The following WSCD1 variants were observed in gnomAD, a reference collection of about 807,000 sequenced individuals.
WSCD1 encodes the protein WSC domain sialate O sulfotransferase 1.
In WSCD1, 41 loss-of-function variants were observed where a neutral mutation model predicts 60.4. The ratio of observed to expected loss-of-function variants is 0.68; its 90% CI spans 0.53 to 0.88. The LOEUF is 0.88. Among genes scored for constraint, WSCD1 ranks in the 40% least tolerant of loss-of-function variants. The pLI, the probability that WSCD1 is intolerant of heterozygous loss-of-function variation, is 0.00. For synonymous variants in WSCD1, 361 were observed against 332.5 expected (o/e 1.09, Z -0.93); for missense variants, 784 against 796.2 (o/e 0.98, Z 0.18).
At chr17:6,114,569 A>G (rs1911593903) in intron 7 of WSCD1, among the ~76,000 whole-genome samples, 1 of 152,108 alleles carries the variant, frequency 6.6e-6, no homozygotes, top group Non-Finnish European at 1.5e-5. Flanking sequence ...CTTTGATTTG[A>G]TTATTAAACA....
intron 5 of WSCD1, among the ~76,000 whole-genome samples, chr17:6,106,542 T>G (rs1597367049): frequency 6.6e-6 from 1 of 152,176 alleles, no homozygotes; most frequent in Admixed American, 6.5e-5. Flanking sequence ...TATATGACAT[T>G]CCAGTATAGA....
intron 5 of WSCD1, among the ~76,000 whole-genome samples, chr17:6,096,096 T>A (rs904747343): frequency 6.6e-6 from 1 of 152,228 alleles, no homozygotes; most frequent in Non-Finnish European, 1.5e-5. Flanking sequence ...GCTCATTCCA[T>A]GCCAGGTACT....
chr17:6,110,009 G>A lies in WSCD1; in HGVS notation c.1009+243G>A, dbSNP rs1200867331. ...CTGGACCCTTTATCTAAGTCTCTCT[G>A]GAGATGACAATGGTAAGAGGATGAA... On this transcript the variant is annotated intron_variant, in intron 6 of 8. Coordinates refer to ENST00000317744, the MANE Select transcript of WSCD1 (RefSeq NM_015253.2). This position sits in a 1 kb window ranked among gnomAD's most constrained non-coding sequence, Gnocchi z 4.8. Among the ~76,000 whole-genome samples the A allele has an allele frequency of 6.6e-6, 1 of 152,168 alleles. No individual in the cohort carries two copies. Among genetic ancestry groups the A allele is most frequent in the African/African-American group, 2.4e-5 (1 of 41,428 alleles).
Position 6,098,156 on chromosome 17 carries a change from T to TCGG in WSCD1, c.849+2933_849+2934insCGG, listed in dbSNP as rs71154640. Among the ~76,000 whole-genome samples the TCGG allele has an allele frequency of 6.1e-4, 68 of 110,954 alleles. 1 individual carries two copies. Among genetic ancestry groups the TCGG allele is most frequent in the Middle Eastern group, 8.9e-3 (2 of 224 alleles). 72.8% of individuals were successfully genotyped at this position (110,954 alleles called of 152,430 possible). A position where few individuals can be genotyped will look rare whatever the true frequency, so the allele number is the denominator to read the frequency against. ...TTTTTGCAGAGACAGGGGGGCGGGG[T>TCGG]GGGGGGGGTCTCACCAAGTTGCCCA... On this transcript the variant is annotated intron_variant, in intron 5 of 8. Coordinates refer to ENST00000317744, the MANE Select transcript of WSCD1 (RefSeq NM_015253.2).
At chr17:6,072,673 A>G (rs1908615420) in intron 1 of WSCD1, among the ~76,000 whole-genome samples, 1 of 152,158 alleles carries the variant, frequency 6.6e-6, no homozygotes, top group Non-Finnish European at 1.5e-5. Flanking sequence ...GGGCCCTAAC[A>G]TCCAGGGCTG....
chr17:6,070,266 GC>G (rs199755389), upstream of WSCD1, among the ~76,000 whole-genome samples: 29,839 of 148,956 alleles, frequency 0.2, 3,461 homozygotes, highest in Non-Finnish European at 0.27. Flanking sequence ...CAGGGCGTGG[GC>G]CCCCTCCGGC....
chr17:6,105,829 G>A (rs1911057480), intron 5 of WSCD1, among the ~76,000 whole-genome samples: 2 of 152,232 alleles, frequency 1.3e-5, no homozygotes, highest in South Asian at 2.1e-4. Flanking sequence ...TTTTTTCCTC[G>A]GAACAGGAAT....
chr17:6,088,386 G>A (rs1239330908), intron 3 of WSCD1, among the ~76,000 whole-genome samples: 2 of 152,102 alleles, frequency 1.3e-5, no homozygotes, highest in Non-Finnish European at 2.9e-5. Context: ...CTGGTGCTGG[G>A]TGCAGGGAGA....
At position 6,087,689 on chromosome 17, in the gene WSCD1, C is replaced by A. The variant is rs1909747941; in HGVS notation, c.428-301C>A. Among the ~76,000 whole-genome samples the A allele has an allele frequency of 3.3e-5, 5 of 152,208 alleles. 1 individual carries two copies. In the South Asian group the frequency reaches 1.0e-3, roughly 31 times the overall value. On this transcript the variant is annotated intron_variant, in intron 2 of 8. Coordinates refer to ENST00000317744, the MANE Select transcript of WSCD1 (RefSeq NM_015253.2). The stretch of plus-strand genomic sequence containing the variant: ...ATGAGAGGTAATCCAGCCTTCCCAA[C>A]TTCTGAGTTGGGGTAGTGGAAGAAA...
At chr17:6,091,972 T>C (rs780852685) in intron 4 of WSCD1, among the ~76,000 whole-genome samples, 8 of 152,100 alleles carry the variant, frequency 5.3e-5, no homozygotes, top group Non-Finnish European at 1.2e-4. Flanking sequence ...CTGACCAACA[T>C]GGTGAAAACC....
chr17:6,088,551 A>G (rs935250980), intron 3 of WSCD1, among the ~76,000 whole-genome samples: 7 of 152,178 alleles, frequency 4.6e-5, no homozygotes, highest in African/African-American at 9.7e-5. Context: ...CTGGTAGGAA[A>G]AGTATTTTCA....
At chr17:6,117,930 T>C in intron 7 of WSCD1, 58 bp from the exon 8 acceptor site, 2 of 1,567,866 alleles carry the variant, frequency 1.3e-6, no homozygotes, top group South Asian at 2.2e-5. Flanking sequence ...TCTGCTGCTA[T>C]GGTAGGGTGC....
In WSCD1 at chr17:6,120,673, C is replaced by G; in HGVS notation, c.*12C>G. ...ATGTGCCCAGATGATAGGCCTGGCC[C>G]ACGCCGCCGCCCCCGCTGAGTGACG... On this transcript the variant is annotated 3_prime_UTR_variant, in exon 9 of 9. Transcript: ENST00000317744. The G allele has an allele frequency of 1.3e-6, 2 of 1,596,754 alleles. No homozygotes were observed. Among genetic ancestry groups the G allele is most frequent in the Admixed American group, 1.7e-5 (1 of 59,106 alleles).
chr17:6,090,446 G>A lies in WSCD1; in HGVS notation c.668G>A (p.Gly223Glu). The A allele has an allele frequency of 6.2e-7, 1 of 1,613,430 alleles. No homozygotes were observed. The highest frequency in any genetic ancestry group is 8.5e-7 in the Non-Finnish European group (1 of 1,179,696). The change falls in exon 4 of 9, where the codon GGG becomes GAG. Residue 223 changes from glycine to glutamate, a missense_variant. Gly to Glu is a moderately conservative substitution (Grantham distance 98). Coordinates refer to ENST00000317744, the MANE Select transcript of WSCD1 (RefSeq NM_015253.2). Reference protein sequence around the residue: ...ECKGEKGSVCGAVDRLSVYRV... With the variant: ...ECKGEKGSVCEAVDRLSVYRV... Reference sequence around the variant, plus strand: ...AAAGGCGAGAAGGGCTCTGTGTGCGGGGCTGTGGACCGGCTCTCCGTGTAC... The same window carrying A: ...AAAGGCGAGAAGGGCTCTGTGTGCGAGGCTGTGGACCGGCTCTCCGTGTAC...
chr17:6,095,042 G>A (rs1299369899), intron 4 of WSCD1, 60 bp from the exon 5 acceptor site: 1 of 1,560,742 alleles, frequency 6.4e-7, no homozygotes, highest in African/African-American at 1.4e-5. Flanking sequence ...ATTTTCCCTG[G>A]TGACAGGCAC....
chr17:6,084,291 T>A (rs1026152237), intron 2 of WSCD1, among the ~76,000 whole-genome samples: 2 of 152,254 alleles, frequency 1.3e-5, no homozygotes, highest in African/African-American at 4.8e-5. Flanking sequence ...GGGGAGGCTG[T>A]GCTCTCATGG....
rs1231423339 is a variant in WSCD1 at position 6,120,412 on chromosome 17, G to A, written c.1479G>A (p.Leu493=). Reference sequence around the variant, plus strand: ...TGCTGGTGGTGCACTACGAGGAGCTGCGGCGCAGCCTGGTGCCCACGTTAC... The same window carrying A: ...TGCTGGTGGTGCACTACGAGGAGCTACGGCGCAGCCTGGTGCCCACGTTAC... ...KRLLVVHYEE[L]RRSLVPTLRE... Residue 493 remains leucine, a synonymous_variant, in exon 9 of 9, where the codon CTG becomes CTA. Coordinates refer to ENST00000317744, the MANE Select transcript of WSCD1 (RefSeq NM_015253.2). The A allele has an allele frequency of 2.9e-5, 47 of 1,613,968 alleles. No homozygotes were observed. The highest frequency in any genetic ancestry group is 3.6e-5 in the Non-Finnish European group (42 of 1,180,042).
In WSCD1 at chr17:6,088,111, G is replaced by T. The variant is rs1168179712; in HGVS notation, c.542+7G>T. On this transcript the variant is annotated splice_region_variant and intron_variant, in intron 3 of 8. Transcript: ENST00000317744. ...AGGATGCGTGTGCTGAGCGGTGAGT[G>T]CTGGGGCCCTGGACTGTTGATTCTA... 6.2e-7 allele frequency: 1 copy of T among 1,612,746 alleles called. No homozygotes were observed. Among genetic ancestry groups the T allele is most frequent in the African/African-American group, 1.3e-5 (1 of 74,924 alleles).
At chr17:6,095,710 C>T (rs1910381055) in intron 5 of WSCD1, among the ~76,000 whole-genome samples, 2 of 152,184 alleles carry the variant, frequency 1.3e-5, no homozygotes, top group South Asian at 4.1e-4. Flanking sequence ...GCACCAAAGG[C>T]CACTGACCCC....
Sources: gnomAD v4.1 joint callset for allele counts (sites outside exome capture counted in the v4.1 genomes callset) on GRCh38, gnomAD v4.1.1 for gene constraint, Gnocchi (gnomAD v3.1) non-coding constraint, MANE v1.5 for transcripts, NCBI Gene and HGNC (gene_info 2026-07-23, HGNC 2026-07-21) for gene names.